The following IGF1R variants were observed in gnomAD, a reference collection of about 807,000 sequenced individuals.
IGF1R encodes the protein insulin like growth factor 1 receptor, also known as insulin-like growth factor 1 receptor.
A neutral mutation model predicts 144.6 loss-of-function variants in IGF1R; 44 were observed. The ratio of observed to expected loss-of-function variants is 0.30; its 90% CI spans 0.24 to 0.39. IGF1R has a LOEUF of 0.39. Ranked by LOEUF, IGF1R falls within the 10% of genes least tolerant of loss-of-function variation. The pLI, the probability that IGF1R is intolerant of heterozygous loss-of-function variation, is 1.00. For synonymous variants in IGF1R, 795 were observed against 722.8 expected (o/e 1.10, Z -1.60); for missense variants, 1,355 against 1,833.7 (o/e 0.74, Z 4.77).
At position 98,922,199 on chromosome 15, in the gene IGF1R, C is replaced by T; in HGVS notation, c.2253C>T (p.Ser751=). Residue 751 remains serine (S), a synonymous_variant, in exon 11 of 21, where the codon TCC becomes TCT. Coordinates refer to ENST00000650285, the MANE Select transcript of IGF1R (RefSeq NM_000875.5). ...DVMQVANTTM[S]SRSRNTTAAD... is the part of the protein sequence containing the mutation. ...TGCAAGTGGCCAACACCACCATGTC[C>T]AGCCGAAGCAGGAACACCACGGCCG... 6.2e-7 allele frequency: 1 copy of T among 1,614,214 alleles called. No homozygotes were observed.
Position 98,919,554 on chromosome 15 carries a change from T to G in IGF1R, c.2202-2594T>G, listed in dbSNP as rs1438491316. On this transcript the variant is annotated intron_variant, in intron 10 of 20. Coordinates refer to ENST00000650285, the MANE Select transcript of IGF1R (RefSeq NM_000875.5). ...TGAAGGCAGAGCTGTGATTGACATG[T>G]TATTAATGCACAGCATTGGTGGTGT... is the stretch of plus-strand genomic sequence containing the variant. Among the ~76,000 whole-genome samples, 3 of 152,204 alleles carry G rather than the reference T, an allele frequency of 2.0e-5. No homozygotes were observed. In the South Asian group the frequency reaches 6.2e-4, roughly 31 times the overall value.
chr15:98,694,803 T>G (rs529928229), intron 1 of IGF1R, among the ~76,000 whole-genome samples: 7 of 152,258 alleles, frequency 4.6e-5, no homozygotes, highest in Admixed American at 6.5e-5. Context: ...AAAGAATGGG[T>G]GCGCCGAAGT....
At chr15:98,883,918 T>C (rs1004009704) in intron 2 of IGF1R, among the ~76,000 whole-genome samples, 24 of 152,178 alleles carry the variant, frequency 1.6e-4, no homozygotes, top group Non-Finnish European at 3.5e-4. Context: ...AAACCAACCC[T>C]TTGTTGAAAA....
Position 98,957,481 on chromosome 15 carries a change from G to A in IGF1R, c.*39G>A, listed in dbSNP as rs375917086. 5.0e-5 allele frequency: 80 copies of A among 1,610,994 alleles called. No individual in the cohort carries two copies. Among genetic ancestry groups the A allele is most frequent in the African/African-American group, 1.1e-4 (8 of 74,998 alleles). ...AATCTGTGCAAACAGTAACGTGTGC[G>A]CACGCGCAGCGGGGTGGGGGGGGAG... On this transcript the variant is annotated 3_prime_UTR_variant, in exon 21 of 21. Coordinates refer to ENST00000650285, the MANE Select transcript of IGF1R (RefSeq NM_000875.5).
rs186735241 is a variant in IGF1R, at chr15:98,775,799, C to T, written c.640+67692C>T. Among the ~76,000 whole-genome samples, 39 of 152,310 alleles carry T rather than the reference C, an allele frequency of 2.6e-4. No homozygotes were observed. In the East Asian group the frequency reaches 6.9e-3, roughly 27 times the overall value. On this transcript the variant is annotated intron_variant, in intron 2 of 20. Coordinates refer to ENST00000650285, the MANE Select transcript of IGF1R (RefSeq NM_000875.5). ...CCAGGGTTTCCGATTCAGCAGGTCT[C>T]GGGCTGGTTGGATGATGAGAATTTG...
intron 1 of IGF1R, among the ~76,000 whole-genome samples, chr15:98,655,673 G>T (rs1489224873): frequency 6.6e-6 from 1 of 150,734 alleles, no homozygotes; most frequent in African/African-American, 2.4e-5. Flanking sequence ...AAACAAACTA[G>T]TAAGCAAGCT....
At chr15:98,833,339 C>T (rs116231063) in intron 2 of IGF1R, among the ~76,000 whole-genome samples, 2 of 152,190 alleles carry the variant, frequency 1.3e-5, no homozygotes, top group Non-Finnish European at 2.9e-5. Flanking sequence ...TTGTGATTGA[C>T]CTGGACCCCC....
At chr15:98,688,808 G>A (rs954489795) in intron 1 of IGF1R, among the ~76,000 whole-genome samples, 3 of 152,106 alleles carry the variant, frequency 2.0e-5, no homozygotes, top group African/African-American at 7.2e-5. Context: ...TTTTTTTGGA[G>A]AAAGGGCCCA....
chr15:98,811,071 C>T (rs1209913909), intron 2 of IGF1R, among the ~76,000 whole-genome samples: 5 of 151,918 alleles, frequency 3.3e-5, no homozygotes, highest in Admixed American at 3.3e-4. Context: ...GAGGCTGAGG[C>T]GGCCGGATCA....
intron 1 of IGF1R, among the ~76,000 whole-genome samples, chr15:98,674,384 A>G (rs940174913): frequency 9.2e-5 from 14 of 152,320 alleles, no homozygotes; most frequent in African/African-American, 2.9e-4. Context: ...TAGAGTTCCA[A>G]GATCACCGTC....
In IGF1R at chr15:98,957,693, A is replaced by G. The variant is rs188624230; in HGVS notation, c.*251A>G. 88 of 577,110 alleles carry G rather than the reference A, an allele frequency of 1.5e-4. No individual in the cohort carries two copies. The Middle Eastern group carries it at 2.8e-3, about 18-fold the overall frequency. 35.7% of individuals were successfully genotyped at this position (577,110 alleles called of 1,614,324 possible). ...CTGACATGGGCCTTTAAGAACCTTA[A>G]TGACAACACTTAATAGCAACAGAGC... On this transcript the variant is annotated 3_prime_UTR_variant, in exon 21 of 21. Coordinates refer to ENST00000650285, the MANE Select transcript of IGF1R (RefSeq NM_000875.5).
chr15:98,768,817 A>G (rs1356230085), intron 2 of IGF1R, among the ~76,000 whole-genome samples: 2 of 146,646 alleles, frequency 1.4e-5, no homozygotes, highest in Non-Finnish European at 3.0e-5. Flanking sequence ...AGTCCCAGCT[A>G]CTCGGGAGGC....
intron 2 of IGF1R, among the ~76,000 whole-genome samples, chr15:98,755,380 A>T (rs1345644788): frequency 6.6e-6 from 1 of 152,088 alleles, no homozygotes; most frequent in Non-Finnish European, 1.5e-5. Flanking sequence ...TGTTTCACTA[A>T]TGAAACAGGA....
intron 2 of IGF1R, among the ~76,000 whole-genome samples, chr15:98,756,066 C>G (rs1386675167): frequency 2.0e-5 from 3 of 151,966 alleles, no homozygotes; most frequent in Non-Finnish European, 2.9e-5. Context: ...ATTTGATTTG[C>G]TAATATTTTT....
chr15:98,890,780 G>A (rs41520447), intron 2 of IGF1R: 14,434 of 163,354 alleles, frequency 0.088, 1,058 homozygotes, highest in African/African-American at 0.2. Context: ...ATCTAAGGCA[G>A]CAGAAATTTC....
chr15:98,778,142 G>A (rs550267788), intron 2 of IGF1R, among the ~76,000 whole-genome samples: 1 of 152,258 alleles, frequency 6.6e-6, no homozygotes, highest in South Asian at 2.1e-4. Context: ...GAGAGTGTTG[G>A]TGGACAGAAC....
intron 1 of IGF1R, among the ~76,000 whole-genome samples, chr15:98,691,261 G>A (rs1342139751): frequency 1.3e-5 from 2 of 152,042 alleles, no homozygotes; most frequent in Non-Finnish European, 2.9e-5. Flanking sequence ...TCTGTGACAG[G>A]GTCTCAGACT....
In IGF1R at chr15:98,891,646, C is replaced by T. The variant is rs369004098; in HGVS notation, c.953+9C>T. ...CGCAACGGCAGCCAGAGGTCAGTCG[C>T]GGCCACACGTGTGGTCACTACCCGC... On this transcript the variant is annotated intron_variant, in intron 3 of 20. Transcript: ENST00000650285. This position sits in a 1 kb window ranked among gnomAD's most constrained non-coding sequence, Gnocchi z 4.7. 22 of 1,599,242 alleles carry T rather than the reference C, an allele frequency of 1.4e-5. No homozygotes were observed. In the African/African-American group the frequency reaches 1.5e-4, roughly 11 times the overall value.
At chr15:98,860,866 G>GT (rs1302527305) in intron 2 of IGF1R, among the ~76,000 whole-genome samples, 2 of 152,194 alleles carry the variant, frequency 1.3e-5, no homozygotes. Context: ...GCTTGTTAGA[G>GT]TTATGTGTTA....
Sources: gnomAD v4.1 joint callset for allele counts (sites outside exome capture counted in the v4.1 genomes callset) on GRCh38, gnomAD v4.1.1 for gene constraint, Gnocchi (gnomAD v3.1) non-coding constraint, MANE v1.5 for transcripts, NCBI Gene and HGNC (gene_info 2026-07-23, HGNC 2026-07-21) for gene names.